OTULIN: variants seen among roughly 807,000 people sequenced by gnomAD.
The protein encoded by OTULIN is ubiquitin thioesterase otulin.
Under a neutral mutation model 39.6 loss-of-function variants are expected in OTULIN, and 15 were observed. The ratio of observed to expected loss-of-function variants is 0.38; its 90% confidence interval spans 0.25 to 0.58. The LOEUF is 0.58. OTULIN is among the 20% of genes least tolerant of loss of function. OTULIN has a pLI of 0.66. For synonymous variants in OTULIN, 156 were observed against 170.3 expected (o/e 0.92, Z 0.65); for missense variants, 319 against 445.9 (o/e 0.72, Z 2.56).
rs751122695 is a variant in OTULIN, at chr5:14,687,530, A to C, written c.478A>C (p.Lys160Gln). The C allele has an allele frequency of 3.1e-6, 5 of 1,612,318 alleles. No homozygotes were observed. In the Middle Eastern group the frequency reaches 5.0e-4, roughly 160 times the overall value. ...TTTCTCGATGTTGTAGTTACCAGAAAAACTCATAAGCAAATACAACTGGAT... is the reference window on the plus strand; with the variant it reads ...TTTCTCGATGTTGTAGTTACCAGAACAACTCATAAGCAAATACAACTGGAT... The part of the protein sequence containing the change: ...QDPELMLLPE[K>Q]LISKYNWIKQ... Residue 160 changes from lysine to glutamine, a missense_variant, in exon 5 of 7, where the codon AAA (lysine) becomes CAA (glutamine). This residue lies in a region of OTULIN where 54 missense variants were observed against 50.7 expected (regional missense o/e 1.07). Coordinates refer to ENST00000284274, the MANE Select transcript of OTULIN (RefSeq NM_138348.6).
the OTULIN span, chr5:14,711,454 T>C: frequency 1.4e-6 from 1 of 694,776 alleles, no homozygotes; most frequent in Non-Finnish European, 2.6e-6. Flanking sequence ...GCGTCACCTC[T>C]TTTGCATCTT....
chr5:14,711,226 T>A, the OTULIN span: 1 of 1,614,148 alleles, frequency 6.2e-7, no homozygotes, highest in South Asian at 1.1e-5. Context: ...ATTTCCACGA[T>A]GTCTGTCACC....
intron 1 of OTULIN, among the ~76,000 whole-genome samples, chr5:14,668,705 A>G (rs949059758): frequency 2.0e-5 from 3 of 152,258 alleles, no homozygotes; most frequent in Admixed American, 2.0e-4. Context: ...AACAACTTTT[A>G]AAAAGTTCAT....
intron 4 of OTULIN, among the ~76,000 whole-genome samples, chr5:14,682,399 A>G (rs1190695841): frequency 3.3e-5 from 5 of 152,260 alleles, no homozygotes; most frequent in African/African-American, 4.8e-5. Flanking sequence ...AGCCATCAAC[A>G]TCAAAGCAAG....
At chr5:14,670,229 A>C (rs1339755240) in intron 1 of OTULIN, among the ~76,000 whole-genome samples, 1 of 152,072 alleles carries the variant, frequency 6.6e-6, no homozygotes, top group African/African-American at 2.4e-5. Flanking sequence ...CACCACCCCA[A>C]CTTGACACAC....
At chr5:14,683,114 C>T (rs901258650) in intron 4 of OTULIN, among the ~76,000 whole-genome samples, 1 of 152,156 alleles carries the variant, frequency 6.6e-6, no homozygotes, top group African/African-American at 2.4e-5. Context: ...ACACCTATAT[C>T]AACTGTCAAA....
chr5:14,714,692 GGA>G, the OTULIN span, among the ~76,000 whole-genome samples: 1 of 152,160 alleles, frequency 6.6e-6, no homozygotes, highest in East Asian at 1.9e-4. Flanking sequence ...TTTGACCAAA[GGA>G]GAGAGTCAGG....
At chr5:14,713,066 G>C in the OTULIN span, 7 of 1,195,754 alleles carry the variant, frequency 5.9e-6, no homozygotes, top group Admixed American at 1.4e-4. This position sits in a 1 kb window ranked among gnomAD's most constrained non-coding sequence, Gnocchi z 4.4. Context: ...GTGTAGCCTC[G>C]AGACGGCTGA....
chr5:14,704,329 CAAA>C (rs1194771023), downstream of OTULIN, among the ~76,000 whole-genome samples: 4 of 65,524 alleles, frequency 6.1e-5, no homozygotes, highest in South Asian at 9.6e-4. Context: ...GACTCCGTCT[CAAA>C]AAAAAAAAAA....
At chr5:14,710,971 C>G in the OTULIN span, 1 of 537,002 alleles carries the variant, frequency 1.9e-6, no homozygotes, top group Admixed American at 3.0e-5. Flanking sequence ...TCAGTTGTTT[C>G]GTTTGTTTTT....
At chr5:14,687,124 A>C (rs1468975976) in intron 4 of OTULIN, among the ~76,000 whole-genome samples, 1 of 152,174 alleles carries the variant, frequency 6.6e-6, no homozygotes, top group Non-Finnish European at 1.5e-5. Flanking sequence ...GGACCTTCTC[A>C]CATGCTCAGA....
rs1272430820 is a variant in OTULIN at position 14,696,200 on chromosome 5, G to A, written c.*3152G>A. 6.6e-6 allele frequency: 1 copy of A among 152,144 alleles called. No individual in the cohort carries two copies. The highest frequency in any genetic ancestry group is 2.4e-5 in the African/African-American group (1 of 41,434). The allele number at this position is 152,144 out of a possible 1,614,324, so 9.4% of individuals were successfully genotyped here. A position where few individuals can be genotyped will look rare whatever the true frequency, so the allele number is the denominator to read the frequency against. On this transcript the variant is annotated 3_prime_UTR_variant, in exon 7 of 7. Transcript: ENST00000284274. ...GCTTTCTGAGGATCTTTTAGAGAGA[G>A]GCTGTGAAGTGCTGAATCACCTTTA...
downstream of OTULIN, among the ~76,000 whole-genome samples, chr5:14,700,356 C>T (rs966758631): frequency 2.0e-5 from 3 of 152,148 alleles, no homozygotes; most frequent in African/African-American, 7.2e-5. Context: ...CATTGAAGAC[C>T]AGAAGGTTAC....
At chr5:14,705,407 A>G in the OTULIN span, 2 of 152,234 alleles carry the variant, frequency 1.3e-5, no homozygotes, top group Non-Finnish European at 2.9e-5. Flanking sequence ...ACAGAATGTT[A>G]GATCAGGAAG....
chr5:14,703,067 G>A (rs1352373194), downstream of OTULIN, among the ~76,000 whole-genome samples: 1 of 152,094 alleles, frequency 6.6e-6, no homozygotes, highest in African/African-American at 2.4e-5. Context: ...TCTGGTTGTA[G>A]AGGACAGGAG....
chr5:14,711,251 C>T, the OTULIN span: 1 of 1,614,116 alleles, frequency 6.2e-7, no homozygotes, highest in Non-Finnish European at 8.5e-7. Flanking sequence ...CTGTCGGAGG[C>T]ATGTCTGTCA....
At chr5:14,687,976 T>C (rs765441011) in intron 5 of OTULIN, 11 of 165,208 alleles carry the variant, frequency 6.7e-5, no homozygotes, top group Non-Finnish European at 1.4e-4. Flanking sequence ...CTATTTCTTA[T>C]ATCATTAGTA....
At chr5:14,685,570 A>G (rs1736365877) in intron 4 of OTULIN, among the ~76,000 whole-genome samples, 2 of 152,058 alleles carry the variant, frequency 1.3e-5, no homozygotes, top group African/African-American at 2.4e-5. Context: ...TCATTTTTTA[A>G]AATTGTCTTA....
At chr5:14,708,363 T>C in the OTULIN span, 2 of 152,242 alleles carry the variant, frequency 1.3e-5, no homozygotes, top group Non-Finnish European at 2.9e-5. Context: ...TCACACCTGG[T>C]CTTTCCCTGG....
Sources: allele counts gnomAD v4.1 joint callset (sites outside exome capture counted in the v4.1 genomes callset), GRCh38; gene constraint gnomAD v4.1.1; regional missense constraint gnomAD v4.1.1; non-coding constraint Gnocchi (gnomAD v3.1); transcripts MANE v1.5; gene names NCBI Gene and HGNC (gene_info 2026-07-23, HGNC 2026-07-21).